The following COL13A1 variants were observed in gnomAD, a reference collection of about 807,000 sequenced individuals.
COL13A1 encodes collagen alpha-1(XIII) chain.
In COL13A1, 89 loss-of-function variants were observed where a neutral mutation model predicts 130.9. The ratio of observed to expected loss-of-function variants is 0.68; its 90% CI spans 0.57 to 0.81. The LOEUF (loss-of-function observed/expected upper bound fraction) is 0.81, where lower values mean the gene tolerates loss of function less well. Ranked by LOEUF, COL13A1 falls within the 30% of genes least tolerant of loss-of-function variation. COL13A1 has a pLI of 0.00. For synonymous variants in COL13A1, 402 were observed against 341.6 expected (o/e 1.18, Z -1.95); for missense variants, 879 against 934.6 (o/e 0.94, Z 0.78).
chr10:69,852,790 C>T (rs1331506167), intron 2 of COL13A1, among the ~76,000 whole-genome samples: 1 of 152,232 alleles, frequency 6.6e-6, no homozygotes, highest in Non-Finnish European at 1.5e-5. Flanking sequence ...GAATGGACCT[C>T]GCTGGGCAAA....
chr10:69,889,413 G>C lies in COL13A1; in HGVS notation c.577-1G>C. The stretch of plus-strand genomic sequence containing the variant: ...TGGTACTCACCCTCTTCTCCTTCCA[G>C]GGCCACCCAGGACCAAAGGGCGACA... On this transcript the variant is annotated splice_acceptor_variant, in intron 9 of 40. Coordinates refer to ENST00000645393, the MANE Select transcript of COL13A1 (RefSeq NM_001368882.1). LOFTEE classifies it high-confidence loss of function. The C allele has an allele frequency of 6.2e-7, 1 of 1,611,168 alleles. No individual in the cohort carries two copies. The highest frequency in any genetic ancestry group is 8.5e-7 in the Non-Finnish European group (1 of 1,178,866).
At chr10:69,919,616 A>T (rs193108827) in intron 20 of COL13A1, 49 bp from the exon 21 acceptor site, 1 of 398,728 alleles carries the variant, frequency 2.5e-6, no homozygotes, top group Non-Finnish European at 4.4e-6. Flanking sequence ...CCTACCCCTC[A>T]CTGCCTGCCC....
rs1423924849 is a variant in COL13A1 at position 69,958,577 on chromosome 10, A to T, written c.2185-122A>T. The T allele has an allele frequency of 2.7e-6, 4 of 1,487,226 alleles. No individual in the cohort carries two copies. In the African/African-American group the frequency reaches 4.2e-5, roughly 16 times the overall value. The allele number at this position is 1,487,226 out of a possible 1,614,324, so 92.1% of individuals were successfully genotyped here. On this transcript the variant is annotated intron_variant, in intron 40 of 40. Coordinates refer to ENST00000645393, the MANE Select transcript of COL13A1 (RefSeq NM_001368882.1). ...TCACCTAGGGGCTCAGGGTTCCCAC[A>T]GTTCTCCTGTCCAGAACTCCCATCC...
chr10:69,886,658 C>A (rs111679248), intron 7 of COL13A1, among the ~76,000 whole-genome samples: 1 of 152,100 alleles, frequency 6.6e-6, no homozygotes, highest in East Asian at 1.9e-4. Flanking sequence ...ACAAGACTCA[C>A]GTTTCTTAGC....
At chr10:69,895,484 T>A in intron 12 of COL13A1, 66 bp from the exon 13 acceptor site, 1 of 1,552,174 alleles carries the variant, frequency 6.4e-7, no homozygotes. Flanking sequence ...GTGCTGGGGG[T>A]GCCCTGAGAA....
intron 18 of COL13A1, among the ~76,000 whole-genome samples, chr10:69,917,839 C>G (rs1193140379): frequency 6.6e-6 from 1 of 152,104 alleles, no homozygotes; most frequent in Non-Finnish European, 1.5e-5. Context: ...CTGGTGAAAT[C>G]AGCCCCTTTA....
At chr10:69,823,997 C>A (rs949754017) in intron 2 of COL13A1, 4 of 432,596 alleles carry the variant, frequency 9.2e-6, no homozygotes, top group African/African-American at 6.1e-5. Context: ...TGGGCAATGA[C>A]AACCGATTTT....
intron 1 of COL13A1, among the ~76,000 whole-genome samples, chr10:69,815,406 A>G (rs1844206391): frequency 6.6e-6 from 1 of 152,152 alleles, no homozygotes; most frequent in African/African-American, 2.4e-5. Context: ...GTGATGTTTC[A>G]GCTCTGGCCA....
At chr10:69,927,380 C>T (rs988758541) in intron 27 of COL13A1, among the ~76,000 whole-genome samples, 1 of 152,130 alleles carries the variant, frequency 6.6e-6, no homozygotes, top group African/African-American at 2.4e-5. Flanking sequence ...TCTCTGGTGA[C>T]AATACAAATG....
chr10:69,874,996 T>G, intron 4 of COL13A1, 132 bp from the exon 5 acceptor site: 1 of 1,006,636 alleles, frequency 9.9e-7, no homozygotes, highest in South Asian at 1.4e-5. Context: ...TTGGGCATCA[T>G]ACGGGATGTC....
intron 5 of COL13A1, chr10:69,877,631 T>A (rs1232755601): frequency 1.0e-5 from 2 of 198,442 alleles, no homozygotes; most frequent in African/African-American, 4.7e-5. Context: ...TTTCTCTATC[T>A]CTGTCTCTCT....
At chr10:69,829,190 ACT>A (rs779335099) in intron 2 of COL13A1, 9 of 979,250 alleles carry the variant, frequency 9.2e-6, no homozygotes, top group Non-Finnish European at 1.1e-5. Flanking sequence ...CATTCATCCC[ACT>A]CTGTCAATTT....
At chr10:69,951,046 G>T (rs1465115538) in intron 38 of COL13A1, among the ~76,000 whole-genome samples, 1 of 151,986 alleles carries the variant, frequency 6.6e-6, no homozygotes, top group Non-Finnish European at 1.5e-5. Flanking sequence ...ATGGGGTTTT[G>T]CCATGTTGGC....
intron 21 of COL13A1, 97 bp from the exon 22 acceptor site, chr10:69,921,785 C>A: frequency 6.7e-7 from 1 of 1,484,928 alleles, no homozygotes; most frequent in Non-Finnish European, 9.2e-7. Context: ...GAGGCAGGAG[C>A]AAGGGAAGGC....
At position 69,896,538 on chromosome 10, in the gene COL13A1, G is replaced by A. The variant is rs528772020; in HGVS notation, c.684+962G>A. Among the ~76,000 whole-genome samples, 6 of 152,344 alleles carry A rather than the reference G, an allele frequency of 3.9e-5. No homozygotes were observed. In the East Asian group the frequency reaches 9.6e-4, roughly 24 times the overall value. On this transcript the variant is annotated intron_variant, in intron 13 of 40. Coordinates refer to ENST00000645393, the MANE Select transcript of COL13A1 (RefSeq NM_001368882.1). Reference sequence around the variant, plus strand: ...CCTGGCTGCCCACCCCTGCCAGGCAGGTCCGGGTGGTGCGATTTTGGGAGT... The same window carrying A: ...CCTGGCTGCCCACCCCTGCCAGGCAAGTCCGGGTGGTGCGATTTTGGGAGT...
intron 5 of COL13A1, among the ~76,000 whole-genome samples, chr10:69,876,308 G>A (rs879908294): frequency 7.9e-5 from 12 of 152,258 alleles, no homozygotes; most frequent in South Asian, 2.1e-4. Context: ...CCAAACCTGC[G>A]CTCTTGATCC....
At chr10:69,897,559 C>A (rs751089821) in intron 13 of COL13A1, 1 of 1,611,608 alleles carries the variant, frequency 6.2e-7, no homozygotes, top group Non-Finnish European at 8.5e-7. Flanking sequence ...GGTCTCCGGG[C>A]CCCTCTCCAC....
intron 1 of COL13A1, among the ~76,000 whole-genome samples, chr10:69,815,673 A>G (rs1844295800): frequency 6.6e-6 from 1 of 152,188 alleles, no homozygotes; most frequent in Admixed American, 6.5e-5. Flanking sequence ...CTGATTGTAC[A>G]TGCTCAGTGT....
At chr10:69,814,180 C>T (rs1843814000) in intron 1 of COL13A1, among the ~76,000 whole-genome samples, 1 of 152,214 alleles carries the variant, frequency 6.6e-6, no homozygotes, top group African/African-American at 2.4e-5. Context: ...GGCACAGGGG[C>T]CGGAGCTTCG....
Sources: allele counts gnomAD v4.1 joint callset (sites outside exome capture counted in the v4.1 genomes callset), GRCh38; gene constraint gnomAD v4.1.1; transcripts MANE v1.5; gene names NCBI Gene and HGNC (gene_info 2026-07-23, HGNC 2026-07-21).